Variants in CYP3A43 observed in about 807,000 individuals in gnomAD.
CYP3A43 encodes cytochrome P450 3A43.
CYP3A43 carries 45 observed loss-of-function variants against 58.0 expected under a neutral mutation model. The ratio of observed to expected loss-of-function variants is 0.78; its 90% CI spans 0.61 to 0.99. The LOEUF (loss-of-function observed/expected upper bound fraction) is 0.99. CYP3A43 is among the 50% of genes least tolerant of loss of function. The probability of loss-of-function intolerance (pLI) is 0.00; values close to 1 mark genes in which losing one functional copy is unlikely to be tolerated. For missense variants in CYP3A43, 593 were observed against 591.9 expected (o/e 1.00, Z -0.02); for synonymous variants, 191 against 201.4 (o/e 0.95, Z 0.44).
intron 5 of CYP3A43, chr7:99,847,943 G>A (rs946417220): frequency 3.0e-5 from 17 of 566,608 alleles, no homozygotes; most frequent in East Asian, 6.1e-5. Context: ...ATCTAGAGGC[G>A]GAGGTTGCAA....
chr7:99,848,275 G>A (rs569931868), intron 6 of CYP3A43, 21 bp downstream of exon 6: 2 of 1,611,802 alleles, frequency 1.2e-6, no homozygotes, highest in African/African-American at 2.7e-5. Flanking sequence ...CAGTCTTGAG[G>A]TTCTGAGCTG....
At chr7:99,837,318 CAAAAA>C (rs35566033) in intron 2 of CYP3A43, among the ~76,000 whole-genome samples, 1 of 66,694 alleles carries the variant, frequency 1.5e-5, no homozygotes, top group Non-Finnish European at 3.4e-5. Flanking sequence ...GACTGTGTCT[CAAAAA>C]AAAAAAAAAA....
rs192884297 is a variant in CYP3A43 at position 99,853,038 on chromosome 7, A to G, written c.671-2553A>G. ...GGATTTGTGCATTTATATTTACAAG[A>G]TATGTTAGTCTGTAGTTTCTTTATC... is the stretch of plus-strand genomic sequence containing the variant. On this transcript the variant is annotated intron_variant, in intron 7 of 12. Transcript: ENST00000354829. Among the ~76,000 whole-genome samples the G allele has an allele frequency of 7.6e-4, 116 of 152,284 alleles. 1 individual carries two copies. Among genetic ancestry groups the G allele is most frequent in the African/African-American group, 2.7e-3 (113 of 41,558 alleles).
At chr7:99,849,037 C>T (rs1563066376) in intron 6 of CYP3A43, among the ~76,000 whole-genome samples, 1 of 152,172 alleles carries the variant, frequency 6.6e-6, no homozygotes, top group African/African-American at 2.4e-5. Context: ...TTTCAGGAGG[C>T]TTATCAGGGA....
intron 6 of CYP3A43, among the ~76,000 whole-genome samples, chr7:99,849,088 G>T (rs1817645665): frequency 1.3e-5 from 2 of 152,320 alleles, no homozygotes; most frequent in East Asian, 1.9e-4. Flanking sequence ...TCTGAACAGG[G>T]TGTGGCTGTT....
chr7:99,838,994 ACTG>A, intron 2 of CYP3A43, 123 bp from the exon 3 acceptor site: 2 of 1,101,924 alleles, frequency 1.8e-6, no homozygotes, highest in Non-Finnish European at 2.7e-6. Flanking sequence ...ATTCCCTCTA[ACTG>A]CCAGTAAATG....
chr7:99,861,906 G>A (rs993264477), intron 11 of CYP3A43, 67 bp downstream of exon 11: 9 of 1,354,080 alleles, frequency 6.6e-6, no homozygotes, highest in Middle Eastern at 1.9e-4. Context: ...TGCCTCTCTC[G>A]ATGCACATGG....
chr7:99,854,652 T>C (rs959517330), intron 7 of CYP3A43, among the ~76,000 whole-genome samples: 1 of 152,228 alleles, frequency 6.6e-6, no homozygotes, highest in African/African-American at 2.4e-5. Context: ...TGTTATGGTA[T>C]ACATTTAGGT....
chr7:99,830,780 T>C (rs1054514885), intron 1 of CYP3A43, among the ~76,000 whole-genome samples: 3 of 152,234 alleles, frequency 2.0e-5, no homozygotes, highest in African/African-American at 7.2e-5. Flanking sequence ...AAGGCTCCCA[T>C]GCATATTCAT....
intron 9 of CYP3A43, among the ~76,000 whole-genome samples, chr7:99,859,495 G>T (rs1183659360): frequency 6.6e-6 from 1 of 152,198 alleles, no homozygotes; most frequent in Non-Finnish European, 1.5e-5. Flanking sequence ...GAACTTCTAT[G>T]ATTATCCAAG....
At chr7:99,860,150 C>T (rs1303208443) in intron 10 of CYP3A43, among the ~76,000 whole-genome samples, 160 bp downstream of exon 10, 6 of 152,164 alleles carry the variant, frequency 3.9e-5, no homozygotes, top group Non-Finnish European at 8.8e-5. Context: ...AAGGGAGAAT[C>T]GTAGGTAGTG....
chr7:99,828,590 G>A lies in CYP3A43; in HGVS notation c.71+404G>A, dbSNP rs573025575. Among the ~76,000 whole-genome samples, 10 of 152,260 alleles carry A rather than the reference G, an allele frequency of 6.6e-5. No homozygotes were observed. The South Asian group carries it at 1.9e-3, about 28-fold the overall frequency. On this transcript the variant is annotated intron_variant, in intron 1 of 12. Transcript: ENST00000354829. ...GCAGGAGAATCGCTTGAACCCAGGAGGCAGAGGTTTCAGTGAGCGGAGATT... is the reference window on the plus strand; with the variant it reads ...GCAGGAGAATCGCTTGAACCCAGGAAGCAGAGGTTTCAGTGAGCGGAGATT...
chr7:99,841,507 C>A (rs766947278), intron 3 of CYP3A43, among the ~76,000 whole-genome samples: 45 of 152,250 alleles, frequency 3.0e-4, no homozygotes, highest in Admixed American at 5.9e-4. Context: ...AAGCAATTCC[C>A]CTGCCTCAGC....
chr7:99,861,844 A>G lies in CYP3A43; in HGVS notation c.1253+5A>G. The G allele has an allele frequency of 1.2e-6, 2 of 1,603,626 alleles. No individual in the cohort carries two copies. Among genetic ancestry groups the G allele is most frequent in the Non-Finnish European group, 8.5e-7 (1 of 1,171,748 alleles). ...TGAGAAGTTCTGCCCTGAAAGGTAC[A>G]AGGCCCCTGGGAAAGGAGCCTTCCC... On this transcript the variant is annotated splice_donor_5th_base_variant and intron_variant, in intron 11 of 12. Coordinates refer to ENST00000354829, the MANE Select transcript of CYP3A43 (RefSeq NM_057095.3).
At chr7:99,849,716 TTCTCTCTCTC>T in intron 7 of CYP3A43, 22 bp downstream of exon 7, 5 of 1,500,210 alleles carry the variant, frequency 3.3e-6, no homozygotes, top group Non-Finnish European at 4.5e-6. Flanking sequence ...TTTATGTTAT[TTCTCTCTCTC>T]TCTCTCTCTC....
chr7:99,864,241 G>A (rs1462813353), intron 12 of CYP3A43, among the ~76,000 whole-genome samples: 1 of 148,712 alleles, frequency 6.7e-6, no homozygotes, highest in African/African-American at 2.6e-5. Flanking sequence ...TGGTCCTCAT[G>A]TGAAGCCAAT....
Position 99,848,251 on chromosome 7 carries a change from A to T in CYP3A43, c.518A>T (p.Lys173Ile). The T allele has an allele frequency of 1.9e-6, 3 of 1,613,994 alleles. No individual in the cohort carries two copies. In the South Asian group the frequency reaches 3.3e-5, roughly 18 times the overall value. The change falls in exon 6 of 13, where the codon AAA becomes ATA. Residue 173 changes from lysine to isoleucine, a missense_variant. Transcript: ENST00000354829. Reference sequence around the variant, plus strand: ...GAGAACAGCAAGTCCATCAACTTGAAAGAGTAAGTAGCACAGTCTTGAGGT... The same window carrying T: ...GAGAACAGCAAGTCCATCAACTTGATAGAGTAAGTAGCACAGTCTTGAGGT... ...EAENSKSINL[K>I]DFFGAYTMDV...
intron 5 of CYP3A43, 193 bp from the exon 6 acceptor site, chr7:99,847,973 T>TG: frequency 1.6e-6 from 1 of 613,732 alleles, no homozygotes; most frequent in East Asian, 2.9e-5. Flanking sequence ...ATTGCGCCGT[T>TG]GCACTCCAGC....
chr7:99,828,351 C>T (rs1213042511), intron 1 of CYP3A43, among the ~76,000 whole-genome samples, 165 bp downstream of exon 1: 1 of 152,166 alleles, frequency 6.6e-6, no homozygotes, highest in Admixed American at 6.5e-5. Context: ...TGTTAGGACT[C>T]CTAATACAAC....
Sources: gnomAD v4.1 joint callset for allele counts (sites outside exome capture counted in the v4.1 genomes callset) on GRCh38, gnomAD v4.1.1 for gene constraint, MANE v1.5 for transcripts, NCBI Gene and HGNC (gene_info 2026-07-23, HGNC 2026-07-21) for gene names.